Variants in DLC1 observed in about 807,000 individuals in gnomAD.
DLC1 encodes the protein DLC1 Rho GTPase activating protein.
In DLC1, 54 loss-of-function variants were observed where a neutral mutation model predicts 140.3. That is an observed-to-expected ratio of 0.38 (90% CI 0.31 to 0.48). The LOEUF is 0.48. Among genes scored for constraint, DLC1 ranks in the 20% least tolerant of loss-of-function variants. DLC1 has a pLI of 0.96. For missense variants in DLC1, 2,536 were observed against 1,907.0 expected (o/e 1.33, Z -6.14); for synonymous variants, 986 against 728.1 (o/e 1.35, Z -5.70).
Position 13,084,804 on chromosome 8 carries a change from T to C in DLC1, c.*1007A>G, listed in dbSNP as rs937113407. On this transcript the variant is annotated 3_prime_UTR_variant, in exon 18 of 18. Coordinates refer to ENST00000276297, the MANE Select transcript of DLC1 (RefSeq NM_182643.3). Reference sequence around the variant, plus strand: ...TACAGGGATTTCCTTGGGACACACATAGTTTCCTATATTCCCAAACATAGT... The same window carrying C: ...TACAGGGATTTCCTTGGGACACACACAGTTTCCTATATTCCCAAACATAGT... 3 of 152,212 alleles carry C rather than the reference T, an allele frequency of 2.0e-5. No individual in the cohort carries two copies. Among genetic ancestry groups the C allele is most frequent in the Non-Finnish European group, 4.4e-5 (3 of 68,040 alleles). The allele number at this position is 152,212 out of a possible 1,614,324, so 9.4% of individuals were successfully genotyped here.
At chr8:13,453,854 A>T (rs550981861) in intron 2 of DLC1, among the ~76,000 whole-genome samples, 3 of 152,068 alleles carry the variant, frequency 2.0e-5, no homozygotes, top group African/African-American at 7.2e-5. Context: ...TTTCTGATTT[A>T]TGCATATTGT....
chr8:13,469,894 C>G (rs1444149731), intron 2 of DLC1, among the ~76,000 whole-genome samples: 1 of 152,134 alleles, frequency 6.6e-6, no homozygotes, highest in Non-Finnish European at 1.5e-5. Context: ...ATAAGAAATT[C>G]TAGTTTCTGC....
intron 5 of DLC1, among the ~76,000 whole-genome samples, chr8:13,171,655 T>C (rs958516809): frequency 6.6e-6 from 1 of 152,224 alleles, no homozygotes; most frequent in African/African-American, 2.4e-5. Flanking sequence ...CCCAAAGTGC[T>C]GGGATTACAG....
intron 5 of DLC1, chr8:13,214,816 A>G: frequency 1.3e-6 from 1 of 775,358 alleles, no homozygotes; most frequent in South Asian, 1.4e-5. Context: ...GGAGAAAATG[A>G]TTGATTTGAG....
intron 5 of DLC1, among the ~76,000 whole-genome samples, chr8:13,189,062 T>A (rs982600402): frequency 6.6e-6 from 1 of 151,718 alleles, no homozygotes; most frequent in African/African-American, 2.4e-5. Context: ...AAGTCTTTAG[T>A]ATGTGTTAGA....
chr8:13,475,538 TA>T (rs1800397311), intron 2 of DLC1, among the ~76,000 whole-genome samples: 2 of 152,186 alleles, frequency 1.3e-5, no homozygotes, highest in Admixed American at 6.5e-5. Context: ...GTGAATAAAA[TA>T]ACCTATTCTG....
At position 13,094,811 on chromosome 8, in the gene DLC1, A is replaced by C. The variant is rs1818370338; in HGVS notation, c.3474T>G (p.Pro1158=). Residue 1158 remains proline (P), a synonymous_variant, in exon 12 of 18, where the codon CCT becomes CCG. Transcript: ENST00000276297. ...AGAGTTTGTTCGTCATTAGTGGCTCAGGAAGATCTCGAAAATACTGCTTCA... is the reference window on the plus strand; with the variant it reads ...AGAGTTTGTTCGTCATTAGTGGCTCCGGAAGATCTCGAAAATACTGCTTCA... ...DMLKQYFRDL[P]EPLMTNKLSE... is the part of the protein sequence containing the mutation. 1.9e-6 allele frequency: 3 copies of C among 1,614,136 alleles called. No individual in the cohort carries two copies. The highest frequency in any genetic ancestry group is 2.5e-6 in the Non-Finnish European group (3 of 1,180,046).
intron 5 of DLC1, among the ~76,000 whole-genome samples, chr8:13,187,305 G>A (rs1459929109): frequency 6.6e-6 from 1 of 152,274 alleles, no homozygotes; most frequent in Non-Finnish European, 1.5e-5. Flanking sequence ...TGTCCCTGGA[G>A]CATAAGAAAA....
At chr8:13,110,631 TA>T in intron 7 of DLC1, 110 bp downstream of exon 7, 4 of 1,041,148 alleles carry the variant, frequency 3.8e-6, no homozygotes, top group Non-Finnish European at 5.7e-6. Flanking sequence ...GGTTTGCCAA[TA>T]AAAACCTAAC....
chr8:13,225,678 C>A (rs867828337), intron 5 of DLC1, among the ~76,000 whole-genome samples: 1 of 149,670 alleles, frequency 6.7e-6, no homozygotes, highest in Non-Finnish European at 1.5e-5. Flanking sequence ...TGCAGAGGCG[C>A]GGCCTCGGCT....
At chr8:13,353,879 T>C (rs187113851) in intron 4 of DLC1, among the ~76,000 whole-genome samples, 1 of 152,182 alleles carries the variant, frequency 6.6e-6, no homozygotes, top group East Asian at 1.9e-4. Context: ...AAAAAGATTT[T>C]TCTCAAATAC....
intron 4 of DLC1, among the ~76,000 whole-genome samples, 174 bp downstream of exon 4, chr8:13,393,379 A>T (rs568037048): frequency 6.6e-6 from 1 of 152,364 alleles, no homozygotes; most frequent in African/African-American, 2.4e-5. Flanking sequence ...GTTATCATTT[A>T]TAAAACAAAA....
intron 5 of DLC1, among the ~76,000 whole-genome samples, chr8:13,182,761 T>A (rs1444704886): frequency 6.6e-6 from 1 of 152,216 alleles, no homozygotes; most frequent in Non-Finnish European, 1.5e-5. Context: ...GCGTGATGCC[T>A]CCAGCTTTGT....
intron 4 of DLC1, among the ~76,000 whole-genome samples, chr8:13,343,446 G>T (rs978813563): frequency 6.6e-6 from 1 of 152,128 alleles, no homozygotes; most frequent in Non-Finnish European, 1.5e-5. Context: ...CTTTACACTG[G>T]GAGCTAATGT....
intron 10 of DLC1, among the ~76,000 whole-genome samples, chr8:13,097,044 T>G (rs1254482969): frequency 6.6e-6 from 1 of 152,136 alleles, no homozygotes; most frequent in Non-Finnish European, 1.5e-5. Context: ...AGCCTACCCC[T>G]CACATTCTAT....
chr8:13,165,288 G>C (rs1411383394), intron 5 of DLC1, among the ~76,000 whole-genome samples: 1 of 152,120 alleles, frequency 6.6e-6, no homozygotes, highest in Non-Finnish European at 1.5e-5. Context: ...TAAGTGTTCA[G>C]TTAAAAGAAA....
rs900397292 is a variant in DLC1, at chr8:13,408,383, G to A, written c.1024-6764C>T. On this transcript the variant is annotated intron_variant, in intron 2 of 17. Coordinates refer to ENST00000276297, the MANE Select transcript of DLC1 (RefSeq NM_182643.3). ...GTTTAAATTTATCTGCTATTAATCT[G>A]CTTCTACTTATTAAGACATGTTGAA... is the stretch of plus-strand genomic sequence containing the variant. Among the ~76,000 whole-genome samples, 10 of 152,166 alleles carry A rather than the reference G, an allele frequency of 6.6e-5. 1 individual carries two copies. Among genetic ancestry groups the A allele is most frequent in the African/African-American group, 2.4e-4 (10 of 41,442 alleles).
chr8:13,110,117 C>G (rs946475152), intron 7 of DLC1, among the ~76,000 whole-genome samples: 5 of 151,288 alleles, frequency 3.3e-5, no homozygotes, highest in Admixed American at 1.3e-4. Flanking sequence ...TTATCAGTGT[C>G]CCATCATCGA....
At chr8:13,486,933 A>G (rs1159920071) in intron 2 of DLC1, among the ~76,000 whole-genome samples, 1 of 152,182 alleles carries the variant, frequency 6.6e-6, no homozygotes, top group Non-Finnish European at 1.5e-5. Flanking sequence ...AAATTGGCAG[A>G]TTGTTTCTTA....
Sources: allele counts gnomAD v4.1 joint callset (sites outside exome capture counted in the v4.1 genomes callset), GRCh38; gene constraint gnomAD v4.1.1; transcripts MANE v1.5; gene names NCBI Gene and HGNC (gene_info 2026-07-23, HGNC 2026-07-21).